Variants in SESTD1 observed in about 807,000 individuals in gnomAD.
SESTD1 encodes the protein SEC14 and spectrin domain containing 1.
Under a neutral mutation model 101.7 loss-of-function variants are expected in SESTD1, and 43 were observed. That is an observed-to-expected ratio of 0.42 (90% CI 0.33 to 0.55). SESTD1 has a LOEUF of 0.55. Among genes scored for constraint, SESTD1 ranks in the 20% least tolerant of loss-of-function variants. The pLI, the probability that SESTD1 is intolerant of heterozygous loss-of-function variation, is 0.07. For synonymous variants in SESTD1, 283 were observed against 286.8 expected, an observed-to-expected ratio of 0.99 and a Z score of 0.13; for missense variants, 647 against 815.1, an observed-to-expected ratio of 0.79 and a Z score of 2.51.
intron 1 of SESTD1, among the ~76,000 whole-genome samples, chr2:179,223,210 A>T (rs770048149): frequency 9.2e-5 from 14 of 152,182 alleles, no homozygotes; most frequent in South Asian, 6.2e-4. Context: ...ATTTTTGTAT[A>T]AAAAAAATTC....
At chr2:179,183,345 A>G (rs957253277) in intron 2 of SESTD1, among the ~76,000 whole-genome samples, 157 bp from the exon 3 acceptor site, 6 of 152,150 alleles carry the variant, frequency 3.9e-5, no homozygotes, top group African/African-American at 1.4e-4. Flanking sequence ...TTTTTATGAT[A>G]GTATAGAAGA....
chr2:179,181,640 AGAT>A (rs2046112647), intron 3 of SESTD1, among the ~76,000 whole-genome samples: 1 of 152,172 alleles, frequency 6.6e-6, no homozygotes, highest in Admixed American at 6.6e-5. Flanking sequence ...ACTAGGTGTG[AGAT>A]CTTGGGCAAG....
chr2:179,256,534 C>T (rs556560168), intron 1 of SESTD1, among the ~76,000 whole-genome samples: 4 of 152,190 alleles, frequency 2.6e-5, no homozygotes, highest in East Asian at 1.9e-4. Flanking sequence ...CAGATGGGGC[C>T]GGGCACGGTG....
chr2:179,151,215 A>G (rs954727740), intron 6 of SESTD1, 63 bp downstream of exon 6: 5 of 985,994 alleles, frequency 5.1e-6, no homozygotes, highest in Admixed American at 6.8e-5. Context: ...CTAAAATGAT[A>G]AAGTTATCAA....
rs749453289 is a variant in SESTD1 at position 179,176,558 on chromosome 2, CA to C, written c.165-21del. The C allele has an allele frequency of 6.3e-7, 1 of 1,597,828 alleles. No individual in the cohort carries two copies. The highest frequency in any genetic ancestry group is 8.6e-7 in the Non-Finnish European group (1 of 1,168,710). On this transcript the variant is annotated intron_variant, in intron 3 of 17. Coordinates refer to ENST00000428443, the MANE Select transcript of SESTD1 (RefSeq NM_178123.5). ...TTCTCACTGAAACAAAATAAAATTA[CA>C]AAGCATTAAAACAAGCTCCAGATTT...
chr2:179,251,995 T>C (rs2047324217), intron 1 of SESTD1, among the ~76,000 whole-genome samples: 1 of 152,208 alleles, frequency 6.6e-6, no homozygotes, highest in Non-Finnish European at 1.5e-5. Flanking sequence ...CTCTGTCCTA[T>C]CAACATTCTT....
chr2:179,138,224 G>A (rs2045198402), intron 9 of SESTD1, among the ~76,000 whole-genome samples: 1 of 152,028 alleles, frequency 6.6e-6, no homozygotes, highest in South Asian at 2.1e-4. Context: ...TTACCCAGTT[G>A]AGCTGGTCTG....
At chr2:179,200,100 CA>C (rs979002862) in intron 1 of SESTD1, among the ~76,000 whole-genome samples, 10 of 152,112 alleles carry the variant, frequency 6.6e-5, no homozygotes, top group Non-Finnish European at 1.5e-4. Context: ...AATGAATGTA[CA>C]AAAATCACAA....
At chr2:179,224,674 G>T (rs933304482) in intron 1 of SESTD1, among the ~76,000 whole-genome samples, 1 of 152,172 alleles carries the variant, frequency 6.6e-6, no homozygotes, top group Non-Finnish European at 1.5e-5. Flanking sequence ...GCTGAAGGTT[G>T]TGTTGATCAC....
chr2:179,184,711 G>A (rs1227966073), intron 2 of SESTD1, among the ~76,000 whole-genome samples: 1 of 152,068 alleles, frequency 6.6e-6, no homozygotes, highest in Non-Finnish European at 1.5e-5. Flanking sequence ...ATAGGAACAG[G>A]CTAAGAAGTC....
At chr2:179,237,978 A>C (rs971059284) in intron 1 of SESTD1, among the ~76,000 whole-genome samples, 1 of 152,058 alleles carries the variant, frequency 6.6e-6, no homozygotes, top group African/African-American at 2.4e-5. Flanking sequence ...CTCCCCAAAA[A>C]CTCAGCTACT....
chr2:179,241,339 G>T (rs955435058), intron 1 of SESTD1, among the ~76,000 whole-genome samples: 5 of 151,954 alleles, frequency 3.3e-5, no homozygotes, highest in African/African-American at 4.8e-5. Context: ...ATTTGGCAAA[G>T]AACCCAAACA....
chr2:179,140,481 T>C (rs1424842918), intron 9 of SESTD1, among the ~76,000 whole-genome samples: 1 of 152,108 alleles, frequency 6.6e-6, no homozygotes, highest in Non-Finnish European at 1.5e-5. Flanking sequence ...GAGCATTCCC[T>C]CACGGCCCTC....
At position 179,108,088 on chromosome 2, in the gene SESTD1, T is replaced by A. The variant is rs1373995947; in HGVS notation, c.*1811A>T. 1 of 152,146 alleles carries A rather than the reference T, an allele frequency of 6.6e-6. No individual in the cohort carries two copies. Among genetic ancestry groups the A allele is most frequent in the East Asian group, 1.9e-4 (1 of 5,190 alleles). The allele number at this position is 152,146 out of a possible 1,614,324, so 9.4% of individuals were successfully genotyped here. A position where few individuals can be genotyped will look rare whatever the true frequency, so the allele number is the denominator to read the frequency against. Reference sequence around the variant, plus strand: ...GGTGATAAATATTGTCAATCTTTAATCAAGGTTGAAATGTCAACTAGGCAA... The same window carrying A: ...GGTGATAAATATTGTCAATCTTTAAACAAGGTTGAAATGTCAACTAGGCAA... On this transcript the variant is annotated 3_prime_UTR_variant, in exon 18 of 18. Coordinates refer to ENST00000428443, the MANE Select transcript of SESTD1 (RefSeq NM_178123.5).
rs568791221 is a variant in SESTD1, at chr2:179,213,561, T to C, written c.-25-21695A>G. ...AAGTGAGAAGGAGAATGGAACCAAG[T>C]TGGAAAACACTCTTCAGGATATTAT... is the stretch of plus-strand genomic sequence containing the variant. On this transcript the variant is annotated intron_variant, in intron 1 of 17. Transcript: ENST00000428443. Among the ~76,000 whole-genome samples the C allele has an allele frequency of 4.4e-5, 6 of 135,294 alleles. 1 individual carries two copies. Among genetic ancestry groups the C allele is most frequent in the East Asian group, 2.0e-4 (1 of 5,028 alleles). The allele number at this position is 135,294 out of a possible 152,430, so 88.8% of individuals were successfully genotyped here.
intron 12 of SESTD1, among the ~76,000 whole-genome samples, chr2:179,122,850 G>A (rs1008794291): frequency 3.9e-5 from 6 of 151,996 alleles, no homozygotes; most frequent in Non-Finnish European, 7.4e-5. Flanking sequence ...GAGCCAAGAT[G>A]GCACCACTGC....
intron 1 of SESTD1, among the ~76,000 whole-genome samples, chr2:179,224,368 G>A (rs2046853663): frequency 6.6e-6 from 1 of 152,158 alleles, no homozygotes; most frequent in Non-Finnish European, 1.5e-5. Context: ...CCTGCCCAAC[G>A]TTATGCAGCA....
At chr2:179,114,182 G>T (rs1306571634) in intron 16 of SESTD1, among the ~76,000 whole-genome samples, 1 of 152,004 alleles carries the variant, frequency 6.6e-6, no homozygotes, top group East Asian at 1.9e-4. Context: ...TCATCATTAG[G>T]CCCATGTTAA....
Position 179,191,045 on chromosome 2 carries a change from T to A in SESTD1, c.55+742A>T, listed in dbSNP as rs541033022. On this transcript the variant is annotated intron_variant, in intron 2 of 17. Coordinates refer to ENST00000428443, the MANE Select transcript of SESTD1 (RefSeq NM_178123.5). ...GGTATATACCCAGTAATGGGATTGC[T>A]ACCATTCAATCCAGCAATCCCATTA... 3.7e-4 allele frequency among the ~76,000 whole-genome samples: 57 copies of A among 152,320 alleles called. No individual in the cohort carries two copies. In the South Asian group the frequency reaches 0.011, roughly 30 times the overall value.
Sources: allele counts gnomAD v4.1 joint callset (sites outside exome capture counted in the v4.1 genomes callset), GRCh38; gene constraint gnomAD v4.1.1; transcripts MANE v1.5; gene names NCBI Gene and HGNC (gene_info 2026-07-23, HGNC 2026-07-21).